Variants in RSRC1 observed in about 807,000 individuals in gnomAD.
RSRC1 encodes the protein serine/Arginine-related protein 53.
RSRC1 carries 39 observed loss-of-function variants against 49.1 expected under a neutral mutation model. The observed-to-expected ratio is 0.79, with a 90% CI of 0.61 to 1.04. The LOEUF (loss-of-function observed/expected upper bound fraction) is 1.04, where lower values mean the gene tolerates loss of function less well. Ranked by LOEUF, RSRC1 falls within the 50% of genes least tolerant of loss-of-function variation. The probability of loss-of-function intolerance (pLI) is 0.00; values close to 1 mark genes in which losing one functional copy is unlikely to be tolerated. For missense variants in RSRC1, 388 were observed against 402.4 expected (o/e 0.96, Z 0.31); for synonymous variants, 143 against 130.8 (o/e 1.09, Z -0.63).
At chr3:158,307,590 T>C (rs1727907533) in intron 5 of RSRC1, among the ~76,000 whole-genome samples, 1 of 151,940 alleles carries the variant, frequency 6.6e-6, no homozygotes, top group East Asian at 1.9e-4. Context: ...CCAAGAATAA[T>C]ATTATGATAT....
chr3:158,445,613 C>G (rs541096003), intron 6 of RSRC1, among the ~76,000 whole-genome samples: 1 of 152,100 alleles, frequency 6.6e-6, no homozygotes, highest in East Asian at 1.9e-4. Context: ...TGTAACAAAC[C>G]TGCATGTTGT....
chr3:158,234,078 A>G (rs1221958867), intron 4 of RSRC1, among the ~76,000 whole-genome samples: 1 of 152,184 alleles, frequency 6.6e-6, no homozygotes. Context: ...CTGTGATGTG[A>G]CAGTGAGACA....
At chr3:158,343,669 A>G (rs187835820) in intron 5 of RSRC1, among the ~76,000 whole-genome samples, 23 of 152,336 alleles carry the variant, frequency 1.5e-4, no homozygotes, top group African/African-American at 5.5e-4. Context: ...AAGGCTATAC[A>G]GCTGAAATGA....
intron 4 of RSRC1, among the ~76,000 whole-genome samples, chr3:158,227,908 G>A (rs1051761674): frequency 7.9e-5 from 12 of 152,010 alleles, no homozygotes; most frequent in Middle Eastern, 3.2e-3. Context: ...ACTTTGGCCT[G>A]AGGGCTATAG....
intron 6 of RSRC1, among the ~76,000 whole-genome samples, chr3:158,447,127 A>G (rs1187613937): frequency 6.6e-6 from 1 of 152,064 alleles, no homozygotes; most frequent in African/African-American, 2.4e-5. Context: ...GAGGCATGGC[A>G]TAAAGCTCCT....
chr3:158,187,694 C>T (rs1414139693), intron 3 of RSRC1, among the ~76,000 whole-genome samples: 2 of 151,912 alleles, frequency 1.3e-5, no homozygotes, highest in African/African-American at 4.8e-5. Context: ...ACAGATTTCT[C>T]TAAGACAGAT....
At chr3:158,372,370 G>T (rs1218413240) in intron 6 of RSRC1, among the ~76,000 whole-genome samples, 2 of 151,804 alleles carry the variant, frequency 1.3e-5, no homozygotes, top group African/African-American at 2.4e-5. Context: ...TTTGCACATG[G>T]ATATCTTATT....
At chr3:158,180,870 T>TCTCGGCTTACTGCAAC (rs1257254052) in intron 3 of RSRC1, among the ~76,000 whole-genome samples, 3 of 140,416 alleles carry the variant, frequency 2.1e-5, no homozygotes, top group Non-Finnish European at 4.5e-5. Context: ...AATGGCGCAA[T>TCTCGGCTTACTGCAAC]CTCGGCTTAC....
chr3:158,326,819 T>C (rs1578341129), intron 5 of RSRC1, among the ~76,000 whole-genome samples: 1 of 152,224 alleles, frequency 6.6e-6, no homozygotes, highest in Non-Finnish European at 1.5e-5. Flanking sequence ...AGCTCCTCCT[T>C]GTACCTCTGG....
At chr3:158,268,940 G>A (rs1725354979) in intron 4 of RSRC1, among the ~76,000 whole-genome samples, 2 of 151,932 alleles carry the variant, frequency 1.3e-5, no homozygotes, top group South Asian at 2.1e-4. Context: ...ATTATTTGAG[G>A]TATTTACCTT....
At chr3:158,301,578 A>G (rs985263498) in intron 5 of RSRC1, among the ~76,000 whole-genome samples, 3 of 152,184 alleles carry the variant, frequency 2.0e-5, no homozygotes, top group African/African-American at 7.2e-5. Flanking sequence ...AATAACACCA[A>G]TACTGTTACT....
At chr3:158,121,919 C>T (rs538660609) in intron 1 of RSRC1, among the ~76,000 whole-genome samples, 184 bp from the exon 2 acceptor site, 39 of 152,170 alleles carry the variant, frequency 2.6e-4, no homozygotes, top group Admixed American at 9.2e-4. Context: ...GGGGAAGGAT[C>T]GCTGGAGCCC....
At chr3:158,440,853 A>G (rs1016902728) in intron 6 of RSRC1, among the ~76,000 whole-genome samples, 2 of 152,008 alleles carry the variant, frequency 1.3e-5, no homozygotes, top group African/African-American at 4.8e-5. Context: ...GAGGTAGGAG[A>G]ATTGCTTGAA....
intron 4 of RSRC1, among the ~76,000 whole-genome samples, chr3:158,244,325 C>T (rs1484524099): frequency 6.6e-6 from 1 of 152,124 alleles, no homozygotes; most frequent in Non-Finnish European, 1.5e-5. Context: ...GACTTTTCAA[C>T]ATGAAGGGAT....
intron 3 of RSRC1, among the ~76,000 whole-genome samples, chr3:158,146,280 CTTA>C (rs1717110904): frequency 6.6e-6 from 1 of 152,058 alleles, no homozygotes; most frequent in African/African-American, 2.4e-5. Flanking sequence ...ATTAATAGCT[CTTA>C]TTATTTTGAG....
At chr3:158,400,076 G>T (rs578208714) in intron 6 of RSRC1, among the ~76,000 whole-genome samples, 1 of 152,142 alleles carries the variant, frequency 6.6e-6, no homozygotes, top group African/African-American at 2.4e-5. Flanking sequence ...TTCTTGTAGA[G>T]GTATACTGTA....
chr3:158,146,387 CAT>C (rs1304519584), intron 3 of RSRC1, among the ~76,000 whole-genome samples: 46 of 152,208 alleles, frequency 3.0e-4, no homozygotes, highest in African/African-American at 1.1e-3. Flanking sequence ...TTGAGATAAT[CAT>C]GTGGTTTTTG....
intron 5 of RSRC1, among the ~76,000 whole-genome samples, chr3:158,330,180 C>G (rs1207976044): frequency 6.6e-6 from 1 of 152,234 alleles, no homozygotes; most frequent in African/African-American, 2.4e-5. Flanking sequence ...CCTTGCACTT[C>G]CTGGATGAGG....
intron 7 of RSRC1, among the ~76,000 whole-genome samples, chr3:158,517,017 A>T (rs988998858): frequency 2.0e-5 from 3 of 152,062 alleles, no homozygotes; most frequent in Admixed American, 6.6e-5. Flanking sequence ...AGTGAGATGA[A>T]CCCGGTACCT....
Sources: gnomAD v4.1 joint callset for allele counts (sites outside exome capture counted in the v4.1 genomes callset) on GRCh38, gnomAD v4.1.1 for gene constraint, MANE v1.5 for transcripts, NCBI Gene and HGNC (gene_info 2026-07-23, HGNC 2026-07-21) for gene names.